ADCY2: variants seen among roughly 807,000 people sequenced by gnomAD.
ADCY2 encodes adenylate cyclase type 2.
In ADCY2, 31 loss-of-function variants were observed where a neutral mutation model predicts 125.2. The observed-to-expected ratio is 0.25, with a 90% CI of 0.19 to 0.33. The LOEUF is 0.33. Among genes scored for constraint, ADCY2 ranks in the 10% least tolerant of loss-of-function variants. The pLI is 1.00. For synonymous variants in ADCY2, 512 were observed against 548.4 expected, an observed-to-expected ratio of 0.93 and a Z score of 0.93; for missense variants, 904 against 1,418.2, an observed-to-expected ratio of 0.64 and a Z score of 5.82.
intron 2 of ADCY2, among the ~76,000 whole-genome samples, chr5:7,456,868 T>C (rs1317030447): frequency 6.6e-6 from 1 of 152,234 alleles, no homozygotes; most frequent in Non-Finnish European, 1.5e-5. Context: ...TTTATTCTTC[T>C]AGTTTTATAA....
intron 4 of ADCY2, 75 bp downstream of exon 4, chr5:7,626,391 T>G: frequency 6.7e-7 from 1 of 1,501,680 alleles, no homozygotes; most frequent in Non-Finnish European, 9.0e-7. Context: ...TAATGTTGAG[T>G]GTCGTTCATT....
At chr5:7,698,439 G>C (rs531214100) in intron 7 of ADCY2, 65 bp downstream of exon 7, 4 of 1,558,406 alleles carry the variant, frequency 2.6e-6, no homozygotes, top group East Asian at 2.2e-5. Context: ...TGTGCACAAC[G>C]TGCAGGTTTG....
At chr5:7,592,057 G>T (rs1736862878) in intron 3 of ADCY2, among the ~76,000 whole-genome samples, 1 of 151,918 alleles carries the variant, frequency 6.6e-6, no homozygotes. Flanking sequence ...TTTTTCTTTT[G>T]CCTTTGTTTA....
rs550992895 is a variant in ADCY2 at position 7,449,974 on chromosome 5, C to T, written c.408+35204C>T. On this transcript the variant is annotated intron_variant, in intron 2 of 24. Coordinates refer to ENST00000338316, the MANE Select transcript of ADCY2 (RefSeq NM_020546.3). ...CATTTGACGGTGAACTTAATACATGCTGTGTGTCTTTTGACTGCTCCACTG... is the reference window on the plus strand; with the variant it reads ...CATTTGACGGTGAACTTAATACATGTTGTGTGTCTTTTGACTGCTCCACTG... Among the ~76,000 whole-genome samples the T allele has an allele frequency of 3.3e-5, 5 of 152,258 alleles. No homozygotes were observed. In the South Asian group the frequency reaches 6.2e-4, roughly 19 times the overall value.
chr5:7,714,744 G>A (rs1741544160), intron 11 of ADCY2, among the ~76,000 whole-genome samples: 1 of 152,242 alleles, frequency 6.6e-6, no homozygotes, highest in African/African-American at 2.4e-5. Flanking sequence ...GCCTCCTGGA[G>A]AGAACCCCAG....
intron 3 of ADCY2, among the ~76,000 whole-genome samples, chr5:7,552,361 G>C (rs1406431874): frequency 6.6e-6 from 1 of 152,214 alleles, no homozygotes; most frequent in African/African-American, 2.4e-5. Context: ...GCAGTATTTT[G>C]ATGGTTGACA....
intron 2 of ADCY2, among the ~76,000 whole-genome samples, chr5:7,467,618 G>C (rs191596192): frequency 6.6e-6 from 1 of 152,196 alleles, no homozygotes; most frequent in East Asian, 1.9e-4. Context: ...TTGTGGAGAA[G>C]GAAATAATTT....
chr5:7,418,907 C>A (rs1740076517), intron 2 of ADCY2, among the ~76,000 whole-genome samples: 1 of 152,094 alleles, frequency 6.6e-6, no homozygotes, highest in Admixed American at 6.6e-5. Flanking sequence ...CCTGCCTTGG[C>A]CTCCCAAACT....
chr5:7,682,008 C>T (rs1197354620), intron 4 of ADCY2, among the ~76,000 whole-genome samples: 1 of 152,218 alleles, frequency 6.6e-6, no homozygotes, highest in East Asian at 1.9e-4. Flanking sequence ...ATCCCAACTC[C>T]TCCACCTCCT....
intron 2 of ADCY2, among the ~76,000 whole-genome samples, chr5:7,517,254 C>T (rs1003131501): frequency 6.6e-6 from 1 of 152,072 alleles, no homozygotes; most frequent in African/African-American, 2.4e-5. Context: ...GAATGAGATC[C>T]CTGGCTCTGC....
rs113129759 is a variant in ADCY2 at position 7,463,973 on chromosome 5, G to T, written c.408+49203G>T. 3.6e-3 allele frequency among the ~76,000 whole-genome samples: 551 copies of T among 152,272 alleles called. 4 individuals are homozygous for T. Among genetic ancestry groups the T allele is most frequent in the Non-Finnish European group, 5.5e-3 (373 of 68,016 alleles). On this transcript the variant is annotated intron_variant, in intron 2 of 24. Transcript: ENST00000338316. ...TTGGTGCATCTTATGTAACACCCAA[G>T]TAAGTTTGTATTTTATTTGGTGTCC...
intron 4 of ADCY2, among the ~76,000 whole-genome samples, chr5:7,668,931 G>T (rs1739843680): frequency 6.6e-6 from 1 of 152,164 alleles, no homozygotes; most frequent in Non-Finnish European, 1.5e-5. Context: ...TTTAAGAGTA[G>T]CCTGGAATCC....
intron 4 of ADCY2, among the ~76,000 whole-genome samples, chr5:7,671,332 G>A (rs1230872832): frequency 6.6e-6 from 1 of 151,996 alleles, no homozygotes; most frequent in East Asian, 1.9e-4. Context: ...ACTAATTTTG[G>A]CAATTTCCCA....
intron 2 of ADCY2, among the ~76,000 whole-genome samples, chr5:7,476,087 C>G (rs1464014085): frequency 1.3e-5 from 2 of 152,178 alleles, no homozygotes; most frequent in Non-Finnish European, 2.9e-5. Context: ...TGCTCTGACA[C>G]TTCTGGTATC....
intron 2 of ADCY2, among the ~76,000 whole-genome samples, chr5:7,438,559 T>C (rs1202363387): frequency 3.9e-5 from 6 of 152,050 alleles, no homozygotes; most frequent in Non-Finnish European, 8.8e-5. Flanking sequence ...GGTGTGGCTG[T>C]GGTTTAGGGG....
chr5:7,466,583 C>T (rs1016556254), intron 2 of ADCY2, among the ~76,000 whole-genome samples: 4 of 152,182 alleles, frequency 2.6e-5, no homozygotes, highest in Admixed American at 1.3e-4. Flanking sequence ...TATCCTACCT[C>T]GCAATGAGCA....
At chr5:7,463,260 G>A (rs1447894665) in intron 2 of ADCY2, among the ~76,000 whole-genome samples, 2 of 151,940 alleles carry the variant, frequency 1.3e-5, no homozygotes, top group Non-Finnish European at 2.9e-5. Flanking sequence ...TGCTATCATT[G>A]TGTCTCTGCT....
chr5:7,472,398 CAT>C (rs1030603228), intron 2 of ADCY2, among the ~76,000 whole-genome samples: 28 of 152,082 alleles, frequency 1.8e-4, no homozygotes, highest in African/African-American at 5.8e-4. Flanking sequence ...TGAAATTATC[CAT>C]ATGTTTATAG....
chr5:7,635,906 T>G (rs894961535), intron 4 of ADCY2, among the ~76,000 whole-genome samples: 20 of 152,316 alleles, frequency 1.3e-4, no homozygotes, highest in Middle Eastern at 3.4e-3. Context: ...ACGGGGATCC[T>G]GGGGATGTGG....
Sources: allele counts gnomAD v4.1 joint callset (sites outside exome capture counted in the v4.1 genomes callset), GRCh38; gene constraint gnomAD v4.1.1; transcripts MANE v1.5; gene names NCBI Gene and HGNC (gene_info 2026-07-23, HGNC 2026-07-21).